SLC25A15: variants seen among roughly 807,000 people sequenced by gnomAD.
SLC25A15 encodes the protein solute carrier family 25 member 15, also known as mitochondrial ornithine transporter 1.
SLC25A15 carries 24 observed loss-of-function variants against 32.3 expected under a neutral mutation model. The ratio of observed to expected loss-of-function variants is 0.74; its 90% CI spans 0.54 to 1.04. The LOEUF is 1.04. SLC25A15 is among the 50% of genes least tolerant of loss of function. The pLI is 0.00. For missense variants in SLC25A15, 317 were observed against 374.5 expected (o/e 0.85, Z 1.27); for synonymous variants, 132 against 142.1 (o/e 0.93, Z 0.51).
chr13:40,807,197 A>T, intron 4 of SLC25A15, 97 bp from the exon 5 acceptor site: 2 of 1,098,552 alleles, frequency 1.8e-6, no homozygotes, highest in Non-Finnish European at 2.8e-6. Flanking sequence ...CTTCCTTACT[A>T]GTGCTTGATC....
chr13:40,809,705 A>G lies in SLC25A15; in HGVS notation c.*38A>G. On this transcript the variant is annotated 3_prime_UTR_variant, in exon 7 of 7. Transcript: ENST00000338625. ...GGCCTGAGCCAAGCACAGGTGTTTG[A>G]GGACTACAGTTCATCTCAGGGTTTC... The G allele has an allele frequency of 1.9e-6, 3 of 1,608,980 alleles. No individual in the cohort carries two copies. The highest frequency in any genetic ancestry group is 2.5e-6 in the Non-Finnish European group (3 of 1,176,900).
chr13:40,799,636 A>G (rs777280712), intron 3 of SLC25A15, among the ~76,000 whole-genome samples: 1 of 152,214 alleles, frequency 6.6e-6, no homozygotes, highest in Non-Finnish European at 1.5e-5. Context: ...CTTAGAAACC[A>G]CATATGCACA....
In SLC25A15 at chr13:40,811,399, G is replaced by A. The variant is rs558978847; in HGVS notation, c.*1732G>A. 3.3e-5 allele frequency among the ~76,000 whole-genome samples: 5 copies of A among 152,154 alleles called. No homozygotes were observed. The South Asian group carries it at 1.0e-3, about 32-fold the overall frequency. ...AGCTACTCAGGAGGCTGAGGCAGGA[G>A]AATCGCTTGAACCCGGGAGGCAGAG... is the stretch of plus-strand genomic sequence containing the variant. On this transcript the variant is annotated 3_prime_UTR_variant, in exon 7 of 7. Transcript: ENST00000338625.
chr13:40,801,983 C>A (rs923073718), intron 3 of SLC25A15, among the ~76,000 whole-genome samples: 3 of 152,226 alleles, frequency 2.0e-5, no homozygotes, highest in African/African-American at 7.2e-5. Context: ...TGTCCTTGCA[C>A]TATAATAATG....
At chr13:40,794,908 A>G (rs1299205725) in intron 2 of SLC25A15, among the ~76,000 whole-genome samples, 2 of 152,100 alleles carry the variant, frequency 1.3e-5, no homozygotes, top group Non-Finnish European at 2.9e-5. Flanking sequence ...TCCATGAGCC[A>G]AAGGTCAGCC....
chr13:40,808,022 T>C (rs1882265959), intron 5 of SLC25A15, among the ~76,000 whole-genome samples: 1 of 152,218 alleles, frequency 6.6e-6, no homozygotes, highest in Non-Finnish European at 1.5e-5. Context: ...ATTTTGGCTT[T>C]TAATGATAAA....
intron 4 of SLC25A15, among the ~76,000 whole-genome samples, chr13:40,806,833 T>C (rs1244286400): frequency 6.6e-6 from 1 of 152,242 alleles, no homozygotes. Flanking sequence ...GGAGCAGGGC[T>C]GCTTAGAAGA....
At chr13:40,791,209 T>C (rs1306713646) in intron 1 of SLC25A15, among the ~76,000 whole-genome samples, 2 of 152,074 alleles carry the variant, frequency 1.3e-5, no homozygotes, top group African/African-American at 4.8e-5. Context: ...CTGAATCCTC[T>C]GTCACTGACA....
At position 40,812,081 on chromosome 13, in the gene SLC25A15, T is replaced by C. The variant is rs1882479686; in HGVS notation, c.*2414T>C. 6.6e-6 allele frequency among the ~76,000 whole-genome samples: 1 copy of C among 152,168 alleles called. No individual in the cohort carries two copies. The highest frequency in any genetic ancestry group is 2.4e-5 in the African/African-American group (1 of 41,438). On this transcript the variant is annotated 3_prime_UTR_variant, in exon 7 of 7. Coordinates refer to ENST00000338625, the MANE Select transcript of SLC25A15 (RefSeq NM_014252.4). Reference sequence around the variant, plus strand: ...ACTTAAATGGTCAGTAGCTACTGAGTGGTGCTTTATCTGAATAGGCCTGGA... The same window carrying C: ...ACTTAAATGGTCAGTAGCTACTGAGCGGTGCTTTATCTGAATAGGCCTGGA...
intron 2 of SLC25A15, among the ~76,000 whole-genome samples, chr13:40,796,374 G>A (rs1881670694): frequency 6.6e-6 from 1 of 152,196 alleles, no homozygotes; most frequent in African/African-American, 2.4e-5. Flanking sequence ...GAACTTAGGT[G>A]ATTAGGTAAT....
At position 40,793,269 on chromosome 13, in the gene SLC25A15, G is replaced by A; in HGVS notation, c.43G>A (p.Ala15Thr). The A allele has an allele frequency of 4.3e-6, 7 of 1,613,932 alleles. No individual in the cohort carries two copies. Among genetic ancestry groups the A allele is most frequent in the Non-Finnish European group, 5.9e-6 (7 of 1,179,928 alleles). Residue 15 changes from alanine (A) to threonine (T), a missense_variant, in exon 2 of 7, where the codon GCG (alanine) becomes ACG (threonine). Transcript: ENST00000338625. ...PAIQAAIDLT[A>T]GAAGGTACVL... Reference sequence around the variant, plus strand: ...TATCCAGGCTGCCATTGACCTCACAGCGGGGGCTGCAGGTACAGTCATGTG... The same window carrying A: ...TATCCAGGCTGCCATTGACCTCACAACGGGGGCTGCAGGTACAGTCATGTG...
chr13:40,796,498 C>T (rs1881673838), intron 2 of SLC25A15, among the ~76,000 whole-genome samples: 1 of 152,250 alleles, frequency 6.6e-6, no homozygotes, highest in Non-Finnish European at 1.5e-5. Context: ...ACTTTGACTA[C>T]TGTTGCAGTT....
chr13:40,796,664 CAGA>C (rs1280707148), intron 2 of SLC25A15, among the ~76,000 whole-genome samples: 1 of 152,248 alleles, frequency 6.6e-6, no homozygotes, highest in Admixed American at 6.5e-5. Context: ...CGATGGCCTC[CAGA>C]GGGGTTTGAG....
Position 40,802,581 on chromosome 13 carries a change from T to C in SLC25A15, c.315-2537T>C, listed in dbSNP as rs1183846900. 2.6e-5 allele frequency among the ~76,000 whole-genome samples: 4 copies of C among 151,028 alleles called. No individual in the cohort carries two copies. In the East Asian group the frequency reaches 5.8e-4, roughly 22 times the overall value. On this transcript the variant is annotated intron_variant, in intron 3 of 6. Coordinates refer to ENST00000338625, the MANE Select transcript of SLC25A15 (RefSeq NM_014252.4). ...GAATATGGTAAGTCCATCTGTGCTT[T>C]TTTTTTTTTTTTGAGACGGAGTCTC...
intron 2 of SLC25A15, among the ~76,000 whole-genome samples, chr13:40,793,888 T>C (rs1881588805): frequency 1.3e-5 from 2 of 152,210 alleles, no homozygotes; most frequent in South Asian, 4.1e-4. Flanking sequence ...CACGTGTCCA[T>C]TGTCACCTGG....
At chr13:40,790,844 C>T (rs899343362) in intron 1 of SLC25A15, among the ~76,000 whole-genome samples, 1 of 152,202 alleles carries the variant, frequency 6.6e-6, no homozygotes, top group African/African-American at 2.4e-5. Context: ...GCCTTGGCCT[C>T]CCAAAGTGCT....
At position 40,799,173 on chromosome 13, in the gene SLC25A15, G is replaced by C; in HGVS notation, c.172G>C (p.Val58Leu). 1.2e-6 allele frequency: 2 copies of C among 1,614,200 alleles called. No individual in the cohort carries two copies. The highest frequency in any genetic ancestry group is 1.7e-6 in the Non-Finnish European group (2 of 1,180,036). ...TDCCLKTYSQ[V>L]GFRGFYKGTS... The stretch of plus-strand genomic sequence containing the variant: ...CTGCTGCCTGAAGACTTACTCCCAG[G>C]TGGGCTTCCGTGGCTTCTACAAGGG... The change falls in exon 3 of 7, where the codon GTG (valine) becomes CTG (leucine). Residue 58 changes from valine (V) to leucine (L), a missense_variant. Coordinates refer to ENST00000338625, the MANE Select transcript of SLC25A15 (RefSeq NM_014252.4).
intron 2 of SLC25A15, among the ~76,000 whole-genome samples, chr13:40,795,670 A>T (rs1465730056): frequency 6.6e-6 from 1 of 152,012 alleles, no homozygotes; most frequent in Admixed American, 6.6e-5. Flanking sequence ...GGGGAGCGAG[A>T]CATGGTCTAT....
chr13:40,804,933 A>G (rs1471678069), intron 3 of SLC25A15, among the ~76,000 whole-genome samples, 185 bp from the exon 4 acceptor site: 1 of 151,992 alleles, frequency 6.6e-6, no homozygotes, highest in Non-Finnish European at 1.5e-5. Flanking sequence ...CAGTCATAGC[A>G]CTGTAGCCTA....
Sources: allele counts gnomAD v4.1 joint callset (sites outside exome capture counted in the v4.1 genomes callset), GRCh38; gene constraint gnomAD v4.1.1; transcripts MANE v1.5; gene names NCBI Gene and HGNC (gene_info 2026-07-23, HGNC 2026-07-21).